Variants in SLC3A2 observed in about 807,000 individuals in gnomAD.
The protein encoded by SLC3A2 is solute carrier family 3 member 2, also known as amino acid transporter heavy chain SLC3A2.
In SLC3A2, 32 loss-of-function variants were observed where a neutral mutation model predicts 48.5. That is an observed-to-expected ratio of 0.66 (90% CI 0.50 to 0.89). The LOEUF is 0.89. Among genes scored for constraint, SLC3A2 ranks in the 40% least tolerant of loss-of-function variants. The pLI is 0.00. For synonymous variants in SLC3A2, 277 were observed against 288.8 expected (o/e 0.96, Z 0.41); for missense variants, 587 against 680.7 (o/e 0.86, Z 1.53).
chr11:62,880,224 G>A (rs1376274874), upstream of SLC3A2, among the ~76,000 whole-genome samples: 1 of 152,220 alleles, frequency 6.6e-6, no homozygotes, highest in Non-Finnish European at 1.5e-5. Flanking sequence ...AAAGTACTGT[G>A]AAGAAGGCTG....
At chr11:62,883,038 T>C (rs750386961) in intron 3 of SLC3A2, 39 bp downstream of exon 3, 1 of 1,581,312 alleles carries the variant, frequency 6.3e-7, no homozygotes, top group Non-Finnish European at 8.7e-7. Context: ...AGTCAGATGC[T>C]GGGGCTGGGA....
chr11:62,869,890 C>T (rs1263243662), intron 1 of SLC3A2, among the ~76,000 whole-genome samples: 1 of 150,560 alleles, frequency 6.6e-6, no homozygotes, highest in Non-Finnish European at 1.5e-5. Flanking sequence ...TCAAGCTATT[C>T]TCCTGCCTCA....
At position 62,884,813 on chromosome 11, in the gene SLC3A2, C is replaced by CTTTTTTTTT. The variant is rs541507991; in HGVS notation, c.818+150_818+158dup. 8.4e-4 allele frequency: 47 copies of CTTTTTTTTT among 56,010 alleles called. 4 individuals carry two copies. The highest frequency in any genetic ancestry group is 1.6e-3 in the African/African-American group (12 of 7,638). 3.5% of individuals were successfully genotyped at this position (56,010 alleles called of 1,614,324 possible). A position where few individuals can be genotyped will look rare whatever the true frequency, so the allele number is the denominator to read the frequency against. ...TTCTTTACCTTTATTCTTTCTTTAG[C>CTTTTTTTTT]TTTTTTTTTTTTTTTTTTTTTTTTT... On this transcript the variant is annotated intron_variant, in intron 5 of 8. Transcript: ENST00000338663.
intron 2 of SLC3A2, chr11:62,882,581 T>G: frequency 3.3e-6 from 1 of 306,320 alleles, no homozygotes; most frequent in Non-Finnish European, 6.4e-6. Context: ...TCCCCCAGGG[T>G]TCAAGCGATT....
rs527770721 is a variant in SLC3A2, at chr11:62,862,366, T to G, written c.112+5985T>G. On this transcript the variant is annotated intron_variant, in intron 1 of 9. Transcript: ENST00000377889. ...AAAAAAAAAAAAAAAAAGCCCTGCT[T>G]CTAACAGGGCCAATGGCTCACACCT... Among the ~76,000 whole-genome samples, 3 of 134,000 alleles carry G rather than the reference T, an allele frequency of 2.2e-5. No homozygotes were observed. In the East Asian group the frequency reaches 6.9e-4, roughly 31 times the overall value. The allele number at this position is 134,000 out of a possible 152,430, so 87.9% of individuals were successfully genotyped here. A position where few individuals can be genotyped will look rare whatever the true frequency, so the allele number is the denominator to read the frequency against.
At chr11:62,862,655 T>G (rs1481376934) in intron 1 of SLC3A2, among the ~76,000 whole-genome samples, 1 of 152,214 alleles carries the variant, frequency 6.6e-6, no homozygotes, top group Admixed American at 6.5e-5. Context: ...CAATATACAT[T>G]TATTAGTTAC....
intron 1 of SLC3A2, among the ~76,000 whole-genome samples, chr11:62,873,624 G>A (rs2085540490): frequency 6.6e-6 from 1 of 151,980 alleles, no homozygotes; most frequent in Admixed American, 6.6e-5. Context: ...CACCACACCC[G>A]GCCAGCTAAT....
At chr11:62,883,861 C>T in intron 3 of SLC3A2, 5 of 410,144 alleles carry the variant, frequency 1.2e-5, no homozygotes, top group South Asian at 8.8e-5. Context: ...GTGTGCAGGA[C>T]TGCCAGGATT....
chr11:62,859,173 G>A (rs1487773509), intron 1 of SLC3A2, among the ~76,000 whole-genome samples: 4 of 152,202 alleles, frequency 2.6e-5, no homozygotes, highest in South Asian at 4.1e-4. Flanking sequence ...CCTAGGCAGA[G>A]GTCCCTGCGG....
Position 62,882,025 on chromosome 11 carries a change from A to G in SLC3A2, c.557A>G (p.Lys186Arg). The change falls in exon 2 of 9, where the codon AAG becomes AGG. Residue 186 changes from lysine to arginine, a missense_variant. By Grantham distance (26) the Lys-to-Arg change is conservative. Transcript: ENST00000338663. ...CAGATCGACCCCAATTTTGGCTCCA[A>G]GGAAGATTTTGACAGTCTCTTGCAA... Reference protein sequence around the residue: ...LLQIDPNFGSKEDFDSLLQSA... With the variant: ...LLQIDPNFGSREDFDSLLQSA... 1 of 1,614,218 alleles carries G rather than the reference A, an allele frequency of 6.2e-7. No individual in the cohort carries two copies. Among genetic ancestry groups the G allele is most frequent in the Non-Finnish European group, 8.5e-7 (1 of 1,180,034 alleles).
chr11:62,878,479 T>C (rs1415171212), upstream of SLC3A2, among the ~76,000 whole-genome samples: 1 of 151,808 alleles, frequency 6.6e-6, no homozygotes, highest in African/African-American at 2.4e-5. Flanking sequence ...ATTTTTTTTT[T>C]TTTTGAGACG....
Position 62,867,232 on chromosome 11 carries a change from T to TA in SLC3A2, c.112+10851_112+10852insA, listed in dbSNP as rs2085461960. On this transcript the variant is annotated intron_variant, in intron 1 of 9. Transcript: ENST00000377889. ...ATCTTGAACTCCTGACCTCAGGTGT[T>TA]GCGCCCACCTCGGCCTCCCAAAGTG... 2.6e-5 allele frequency among the ~76,000 whole-genome samples: 4 copies of TA among 152,154 alleles called. No homozygotes were observed. In the South Asian group the frequency reaches 8.3e-4, roughly 32 times the overall value.
Position 62,881,441 on chromosome 11 carries a change from C to T in SLC3A2, c.418C>T (p.Leu140=). The part of the protein sequence containing the change: ...QAFQGHGAGN[L]AGLKGRLDYL... ...CTTCCAGGGCCACGGCGCGGGCAAC[C>T]TGGCGGGTGAGTGCAGCGCGCCCCC... is the stretch of plus-strand genomic sequence containing the variant. The change falls in exon 1 of 9, where the codon CTG becomes TTG. Residue 140 remains leucine (L), a synonymous_variant. Transcript: ENST00000338663. The surrounding 1 kb of genome is among the most constrained non-coding windows in gnomAD (Gnocchi z 4.0). The T allele has an allele frequency of 1.3e-6, 2 of 1,583,550 alleles. No homozygotes were observed. Among genetic ancestry groups the T allele is most frequent in the East Asian group, 2.3e-5 (1 of 44,016 alleles).
rs547393568 is a variant in SLC3A2, at chr11:62,861,686, C to T, written c.112+5305C>T. Among the ~76,000 whole-genome samples the T allele has an allele frequency of 3.3e-5, 5 of 152,168 alleles. No homozygotes were observed. In the East Asian group the frequency reaches 5.8e-4, roughly 18 times the overall value. ...ATTCCAGCACGTTGGGAGGCCTAGG[C>T]GTGTGGATCACTTGAGGTTGGGAGT... On this transcript the variant is annotated intron_variant, in intron 1 of 9. Coordinates refer to the SLC3A2 transcript ENST00000377889.
chr11:62,858,743 A>T (rs1394320337), intron 1 of SLC3A2, among the ~76,000 whole-genome samples: 1 of 152,214 alleles, frequency 6.6e-6, no homozygotes, highest in Non-Finnish European at 1.5e-5. Flanking sequence ...GCCACAAGAC[A>T]ATAGTGGGGA....
intron 7 of SLC3A2, 141 bp from the exon 8 acceptor site, chr11:62,887,994 T>G: frequency 1.8e-5 from 12 of 675,362 alleles, no homozygotes; most frequent in Admixed American, 2.6e-5. Context: ...TGAGGGCTCA[T>G]TATGTTGCTG....
rs1173764575 is a variant in SLC3A2, at chr11:62,888,763, T to C, written c.*70T>C. On this transcript the variant is annotated 3_prime_UTR_variant, in exon 9 of 9. Coordinates refer to ENST00000338663, the MANE Select transcript of SLC3A2 (RefSeq NM_001013251.3). The stretch of plus-strand genomic sequence containing the variant: ...GGCCCTTTGGCTTCTGATTTTTCTC[T>C]TTTTTAAAAACAAACAAACAAACTG... The C allele has an allele frequency of 4.3e-6, 6 of 1,403,824 alleles. No individual in the cohort carries two copies. Among genetic ancestry groups the C allele is most frequent in the Non-Finnish European group, 5.7e-6 (6 of 1,045,484 alleles). The allele number at this position is 1,403,824 out of a possible 1,614,324, so 87.0% of individuals were successfully genotyped here.
At chr11:62,876,835 C>G, upstream of SLC3A2, 1 of 819,750 alleles carries the variant, frequency 1.2e-6, no homozygotes, top group Non-Finnish European at 1.6e-6. Flanking sequence ...TTCCTGACCT[C>G]AATTGATCCG....
rs778160282 is a variant in SLC3A2 at position 62,884,563 on chromosome 11, G to T, written c.759+38G>T. On this transcript the variant is annotated intron_variant, in intron 4 of 8. Transcript: ENST00000338663. ...TCCACATTAGGGACAAAGCTTGGGC[G>T]AGAACAGAGGGACTCAGCTAGAGCC... is the stretch of plus-strand genomic sequence containing the variant. The T allele has an allele frequency of 4.1e-5, 66 of 1,613,774 alleles. 1 individual carries two copies. In the Admixed American group the frequency reaches 1.0e-3, roughly 25 times the overall value.
Sources: gnomAD v4.1 joint callset for allele counts (sites outside exome capture counted in the v4.1 genomes callset) on GRCh38, gnomAD v4.1.1 for gene constraint, Gnocchi (gnomAD v3.1) non-coding constraint, MANE v1.5 for transcripts, NCBI Gene and HGNC (gene_info 2026-07-23, HGNC 2026-07-21) for gene names.